SHQ1: variants seen among roughly 807,000 people sequenced by gnomAD.
The protein encoded by SHQ1 is protein SHQ1 homolog.
Under a neutral mutation model 53.8 loss-of-function variants are expected in SHQ1, and 49 were observed. The ratio of observed to expected loss-of-function variants is 0.91; its 90% CI spans 0.72 to 1.16. SHQ1 has a LOEUF of 1.16. Among genes scored for constraint, SHQ1 ranks in the 50% most tolerant of loss-of-function variants. SHQ1 has a pLI of 0.00. For synonymous variants in SHQ1, 243 were observed against 251.0 expected (o/e 0.97, Z 0.30); for missense variants, 738 against 683.1 (o/e 1.08, Z -0.90).
At chr3:72,765,430 T>A (rs1484403605) in intron 10 of SHQ1, among the ~76,000 whole-genome samples, 2 of 87,314 alleles carry the variant, frequency 2.3e-5, no homozygotes, top group East Asian at 4.3e-4. Context: ...ACTGATTCAT[T>A]TTTTTTTTTT....
At chr3:72,817,751 C>T (rs993872907) in intron 6 of SHQ1, among the ~76,000 whole-genome samples, 1 of 152,014 alleles carries the variant, frequency 6.6e-6, no homozygotes, top group Non-Finnish European at 1.5e-5. Context: ...TGAAAATATT[C>T]GTTATCCATT....
chr3:72,778,810 G>T (rs151166185), intron 10 of SHQ1, among the ~76,000 whole-genome samples: 3 of 152,178 alleles, frequency 2.0e-5, no homozygotes, highest in Non-Finnish European at 4.4e-5. Flanking sequence ...GTATAGAAAA[G>T]ATTCCTCTAA....
chr3:72,743,762 A>G, the SHQ1 span, among the ~76,000 whole-genome samples: 1 of 152,200 alleles, frequency 6.6e-6, no homozygotes, highest in South Asian at 2.1e-4. Flanking sequence ...CAAAGCTGAA[A>G]CAGATACTTA....
intron 4 of SHQ1, among the ~76,000 whole-genome samples, chr3:72,836,259 G>A (rs537981911): frequency 6.6e-6 from 1 of 152,316 alleles, no homozygotes; most frequent in South Asian, 2.1e-4. Context: ...GGAGGCCAAG[G>A]CGGGCAGATC....
At chr3:72,758,563 TTTTC>T (rs1169957136) in intron 10 of SHQ1, among the ~76,000 whole-genome samples, 1 of 146,934 alleles carries the variant, frequency 6.8e-6, no homozygotes, top group South Asian at 2.1e-4. Context: ...GGCTACTATT[TTTTC>T]TTTTTTTTTT....
intron 10 of SHQ1, among the ~76,000 whole-genome samples, chr3:72,762,905 C>T (rs1238374395): frequency 2.0e-5 from 3 of 151,818 alleles, no homozygotes; most frequent in Non-Finnish European, 4.4e-5. Context: ...GAACCCCTTA[C>T]CTCCGGTGAT....
intron 10 of SHQ1, among the ~76,000 whole-genome samples, chr3:72,779,199 T>C (rs1706022151): frequency 6.6e-6 from 1 of 152,156 alleles, no homozygotes; most frequent in Admixed American, 6.6e-5. Flanking sequence ...CCAACACATA[T>C]ACCCTTTCTC....
Position 72,848,188 on chromosome 3 carries a change from C to A in SHQ1, c.143+10G>T. 1.2e-6 allele frequency: 2 copies of A among 1,614,154 alleles called. No individual in the cohort carries two copies. The highest frequency in any genetic ancestry group is 1.7e-6 in the Non-Finnish European group (2 of 1,180,004). ...TGCGCCTTTCCTGCGGCCAGGCACCCCGAACTCGCCTGAGAAAGTATGGCT... is the reference window on the plus strand; with the variant it reads ...TGCGCCTTTCCTGCGGCCAGGCACCACGAACTCGCCTGAGAAAGTATGGCT... On this transcript the variant is annotated intron_variant, in intron 1 of 10. Transcript: ENST00000325599.
chr3:72,810,708 C>G (rs572095582), intron 9 of SHQ1, among the ~76,000 whole-genome samples: 1 of 152,148 alleles, frequency 6.6e-6, no homozygotes, highest in Non-Finnish European at 1.5e-5. Context: ...GCCTCTTCAG[C>G]GGCAATAATG....
chr3:72,783,300 C>T (rs1177378103), intron 10 of SHQ1, among the ~76,000 whole-genome samples: 1 of 152,064 alleles, frequency 6.6e-6, no homozygotes, highest in East Asian at 1.9e-4. Context: ...CTCCTCTAAC[C>T]TCCTCCACCT....
At chr3:72,728,583 T>C in the SHQ1 span, among the ~76,000 whole-genome samples, 1 of 152,202 alleles carries the variant, frequency 6.6e-6, no homozygotes, top group Admixed American at 6.5e-5. Flanking sequence ...GAGAAGAGCA[T>C]GGAAGCCAAC....
At chr3:72,758,043 G>A (rs1465580959) in intron 10 of SHQ1, among the ~76,000 whole-genome samples, 3 of 152,142 alleles carry the variant, frequency 2.0e-5, no homozygotes, top group African/African-American at 7.2e-5. Context: ...AAAAGAACCA[G>A]TTCCATACTT....
intron 5 of SHQ1, among the ~76,000 whole-genome samples, chr3:72,827,779 G>C (rs6807747): frequency 0.22 from 29,230 of 131,502 alleles, 3,312 homozygotes; most frequent in Non-Finnish European, 0.25. Flanking sequence ...TTTTGAGACA[G>C]AGTCTCACTC....
chr3:72,823,399 A>C (rs1464205673), intron 6 of SHQ1, among the ~76,000 whole-genome samples: 4 of 152,216 alleles, frequency 2.6e-5, no homozygotes, highest in African/African-American at 9.6e-5. Flanking sequence ...ATATGCAGAA[A>C]ATAAAAAACT....
At chr3:72,753,354 A>G (rs1303732134) in intron 10 of SHQ1, 11 of 985,470 alleles carry the variant, frequency 1.1e-5, no homozygotes, top group Non-Finnish European at 1.3e-5. Context: ...AGTGGAGCTG[A>G]TGGTACAATG....
At chr3:72,803,274 G>T (rs1040970095) in intron 9 of SHQ1, among the ~76,000 whole-genome samples, 3 of 152,048 alleles carry the variant, frequency 2.0e-5, no homozygotes, top group African/African-American at 7.2e-5. Flanking sequence ...TTTAAAACTG[G>T]CAATACTATA....
At chr3:72,796,185 T>A (rs545268268) in intron 9 of SHQ1, among the ~76,000 whole-genome samples, 3 of 147,260 alleles carry the variant, frequency 2.0e-5, no homozygotes, top group African/African-American at 2.5e-5. Context: ...AAAGAGTTCA[T>A]GTAAGGAAAA....
Position 72,840,793 on chromosome 3 carries a change from T to C in SHQ1, c.486+252A>G, listed in dbSNP as rs114684585. Among the ~76,000 whole-genome samples the C allele has an allele frequency of 6.5e-3, 994 of 152,228 alleles. 13 individuals are homozygous for C. The highest frequency in any genetic ancestry group is 0.023 in the African/African-American group (946 of 41,548). On this transcript the variant is annotated intron_variant, in intron 4 of 10. Coordinates refer to ENST00000325599, the MANE Select transcript of SHQ1 (RefSeq NM_018130.3). ...TCTGCTTTGTACTTGGGAAACTTCATGTCTAGAATACTGAATAAAGGGGAG... is the reference window on the plus strand; with the variant it reads ...TCTGCTTTGTACTTGGGAAACTTCACGTCTAGAATACTGAATAAAGGGGAG...
At chr3:72,749,228 C>T (rs941777471), downstream of SHQ1, 3 of 203,928 alleles carry the variant, frequency 1.5e-5, no homozygotes, top group African/African-American at 6.9e-5. Context: ...GGTCATTCCA[C>T]TCTCAGGTAT....
Sources: gnomAD v4.1 joint callset for allele counts (sites outside exome capture counted in the v4.1 genomes callset) on GRCh38, gnomAD v4.1.1 for gene constraint, MANE v1.5 for transcripts, NCBI Gene and HGNC (gene_info 2026-07-23, HGNC 2026-07-21) for gene names.